Variants in DOK1 observed in about 807,000 individuals in gnomAD.
The protein encoded by DOK1 is docking protein 1.
DOK1 carries 12 observed loss-of-function variants against 24.0 expected under a neutral mutation model. The ratio of observed to expected loss-of-function variants is 0.50; its 90% confidence interval spans 0.32 to 0.81. The LOEUF (loss-of-function observed/expected upper bound fraction) is 0.81. Among genes scored for constraint, DOK1 ranks in the 30% least tolerant of loss-of-function variants. DOK1 has a pLI of 0.03. For synonymous variants in DOK1, 250 were observed against 260.9 expected (o/e 0.96, Z 0.40); for missense variants, 591 against 620.7 (o/e 0.95, Z 0.51).
At position 74,549,162 on chromosome 2, in the gene DOK1, C is replaced by T. The variant is rs1676819420; in HGVS notation, c.-368C>T. The T allele has an allele frequency of 1.1e-5, 5 of 470,406 alleles. No homozygotes were observed. Among genetic ancestry groups the T allele is most frequent in the Non-Finnish European group, 1.8e-5 (5 of 280,612 alleles). The allele number at this position is 470,406 out of a possible 1,614,324, so 29.1% of individuals were successfully genotyped here. On this transcript the variant is annotated 5_prime_UTR_variant, in exon 1 of 5. Transcript: ENST00000409429. The surrounding 1 kb of genome is among the most constrained non-coding windows in gnomAD (Gnocchi z 5.3). ...ACGAGAGAGCGGGAGCCTCGCTGGTCCCCATTTCAGGTACTCCCTTGGGGC... is the reference window on the plus strand; with the variant it reads ...ACGAGAGAGCGGGAGCCTCGCTGGTTCCCATTTCAGGTACTCCCTTGGGGC...
At position 74,557,375 on chromosome 2, in the gene DOK1, TGGG is replaced by T; in HGVS notation, c.*262_*264del. On this transcript the variant is annotated 3_prime_UTR_variant, in exon 5 of 5. Coordinates refer to ENST00000233668, the MANE Select transcript of DOK1 (RefSeq NM_001381.5). ...ACTTCCCCAAATGAAGGGACGGCTG[TGGG>T]ACCAGGTCTGTGGAAAGTGGTGCAT... The T allele has an allele frequency of 2.3e-6, 1 of 439,100 alleles. No homozygotes were observed. The highest frequency in any genetic ancestry group is 4.1e-6 in the Non-Finnish European group (1 of 242,718). The allele number at this position is 439,100 out of a possible 1,614,324, so 27.2% of individuals were successfully genotyped here.
chr2:74,554,149 C>A, upstream of DOK1: 1 of 153,376 alleles, frequency 6.5e-6, no homozygotes, highest in South Asian at 1.9e-4. The surrounding 1 kb of genome is among the most constrained non-coding windows in gnomAD (Gnocchi z 4.9). Flanking sequence ...CCTGGCCCTC[C>A]CGGCTCGTTC....
chr2:74,555,770 A>C lies in DOK1; in HGVS notation c.454+102A>C, dbSNP rs915783212. 1.0e-5 allele frequency: 16 copies of C among 1,592,900 alleles called. No individual in the cohort carries two copies. The highest frequency in any genetic ancestry group is 1.4e-5 in the Non-Finnish European group (16 of 1,169,866). On this transcript the variant is annotated intron_variant, in intron 3 of 4. Coordinates refer to ENST00000233668, the MANE Select transcript of DOK1 (RefSeq NM_001381.5). The surrounding 1 kb of genome is among the most constrained non-coding windows in gnomAD (Gnocchi z 6.1). ...CCCAGGGGCCCATGGGGAAGTAAGA[A>C]GTAGGAAGGCCCTGAGATCTGGCTT...
At chr2:74,553,867 T>C (rs886486017), upstream of DOK1, 1 of 145,298 alleles carries the variant, frequency 6.9e-6, no homozygotes, top group Non-Finnish European at 1.5e-5. Flanking sequence ...TTAGCGTGAC[T>C]CCCCCTACCT....
In DOK1 at chr2:74,556,883, C is replaced by G. The variant is rs1050916114; in HGVS notation, c.1215C>G (p.Ala405=). Residue 405 remains alanine (A), a synonymous_variant, in exon 5 of 5, where the codon GCC becomes GCG. Transcript: ENST00000233668. This position sits in a 1 kb window ranked among gnomAD's most constrained non-coding sequence, Gnocchi z 4.1. ...EEGYELPYNP[A]TDDYAVPPPR... ...GCTATGAGCTCCCCTACAACCCTGC[C>G]ACTGATGACTACGCTGTGCCACCCC... is the stretch of plus-strand genomic sequence containing the variant. 9 of 1,614,168 alleles carry G rather than the reference C, an allele frequency of 5.6e-6. No individual in the cohort carries two copies. Among genetic ancestry groups the G allele is most frequent in the Non-Finnish European group, 6.8e-6 (8 of 1,180,040 alleles).
At chr2:74,552,280 A>G (rs369498832), upstream of DOK1, 205 of 1,555,300 alleles carry the variant, frequency 1.3e-4, no homozygotes, top group Non-Finnish European at 1.7e-4. Flanking sequence ...CACTTTGGCC[A>G]CACATAGGAA....
At chr2:74,552,186 G>T, upstream of DOK1, 1 of 791,804 alleles carries the variant, frequency 1.3e-6, no homozygotes, top group Middle Eastern at 3.8e-4. Context: ...TGCTTGGTTT[G>T]TCATCCATGG....
At chr2:74,549,723 A>ACGATGGC, upstream of DOK1, 1 of 1,444,266 alleles carries the variant, frequency 6.9e-7, no homozygotes, top group Admixed American at 2.8e-5. The surrounding 1 kb of genome is among the most constrained non-coding windows in gnomAD (Gnocchi z 5.3). Context: ...GAGAGCGGCC[A>ACGATGGC]CGATGGCCGC....
At position 74,549,638 on chromosome 2, in the gene DOK1, C is replaced by T; in HGVS notation, c.-358+466C>T. 6.5e-7 allele frequency: 1 copy of T among 1,546,066 alleles called. No homozygotes were observed. The highest frequency in any genetic ancestry group is 8.8e-7 in the Non-Finnish European group (1 of 1,138,846). On this transcript the variant is annotated intron_variant, in intron 1 of 4. Transcript: ENST00000409429. This position sits in a 1 kb window ranked among gnomAD's most constrained non-coding sequence, Gnocchi z 5.3. ...ATCCCAGTGGCACCTTTCATGTGTCCCGCCGCCCTTAAGGAACCCTGCTTG... is the reference window on the plus strand; with the variant it reads ...ATCCCAGTGGCACCTTTCATGTGTCTCGCCGCCCTTAAGGAACCCTGCTTG...
chr2:74,553,702 C>A (rs1677177906), upstream of DOK1, among the ~76,000 whole-genome samples: 1 of 152,216 alleles, frequency 6.6e-6, no homozygotes, highest in African/African-American at 2.4e-5. Context: ...TAGCCCCCGC[C>A]TCCGGTATGT....
chr2:74,555,566 C>G lies in DOK1; in HGVS notation c.361-9C>G. 4 of 1,614,186 alleles carry G rather than the reference C, an allele frequency of 2.5e-6. No individual in the cohort carries two copies. The highest frequency in any genetic ancestry group is 2.5e-6 in the Non-Finnish European group (3 of 1,180,042). ...GAAATTACGGGTTTCTCGATGCTCT[C>G]TACTACAGAAAGGCAGCTGGACTCT... On this transcript the variant is annotated splice_polypyrimidine_tract_variant and intron_variant, in intron 2 of 4. Coordinates refer to ENST00000233668, the MANE Select transcript of DOK1 (RefSeq NM_001381.5). This position sits in a 1 kb window ranked among gnomAD's most constrained non-coding sequence, Gnocchi z 6.1.
chr2:74,550,368 GGGACA>G, upstream of DOK1: 1 of 1,609,458 alleles, frequency 6.2e-7, no homozygotes, highest in South Asian at 1.1e-5. Flanking sequence ...GGGAGATGAA[GGGACA>G]GAGAAGCTTG....
upstream of DOK1, chr2:74,549,762 A>C (rs1676877159): frequency 3.5e-6 from 5 of 1,431,154 alleles, no homozygotes; most frequent in Non-Finnish European, 4.6e-6. This position sits in a 1 kb window ranked among gnomAD's most constrained non-coding sequence, Gnocchi z 5.3. Flanking sequence ...TCTTGCAGCC[A>C]GCAGCGCGTG....
At chr2:74,552,474 T>G, upstream of DOK1, 4 of 1,613,642 alleles carry the variant, frequency 2.5e-6, no homozygotes, top group South Asian at 3.3e-5. Context: ...GCGGCCCTCG[T>G]AGGGCTTCCT....
At position 74,557,065 on chromosome 2, in the gene DOK1, C is replaced by T. The variant is rs540708563; in HGVS notation, c.1397C>T (p.Ser466Phe). ...TCAGGGAGCTGGGACTGTGGGCTCT[C>T]TAGAGTAGGGACTGACAAGACTGGG... ...GASGSWDCGL[S>F]RVGTDKTGVK... The change falls in exon 5 of 5, where the codon TCT (serine) becomes TTT (phenylalanine). Residue 466 changes from serine to phenylalanine, a missense_variant. Physicochemically the swap from Ser to Phe is radical, Grantham distance 155. Coordinates refer to ENST00000233668, the MANE Select transcript of DOK1 (RefSeq NM_001381.5). 47 of 1,613,534 alleles carry T rather than the reference C, an allele frequency of 2.9e-5. No individual in the cohort carries two copies. Among genetic ancestry groups the T allele is most frequent in the Non-Finnish European group, 3.6e-5 (43 of 1,179,916 alleles).
upstream of DOK1, chr2:74,554,710 C>G: frequency 6.2e-7 from 1 of 1,601,332 alleles, no homozygotes; most frequent in Non-Finnish European, 8.5e-7. This position sits in a 1 kb window ranked among gnomAD's most constrained non-coding sequence, Gnocchi z 4.9. Flanking sequence ...CCCGCCCCGC[C>G]TCCCGCCGCA....
upstream of DOK1, chr2:74,552,710 A>C (rs1466272806): frequency 1.5e-6 from 2 of 1,368,784 alleles, no homozygotes; most frequent in Non-Finnish European, 1.9e-6. Flanking sequence ...AGAGTCAGAA[A>C]GAGAGGGAGA....
Position 74,556,865 on chromosome 2 carries a change from G to C in DOK1, c.1197G>C (p.Glu399Asp). ...CQARVKEEGY[E>D]LPYNPATDDY... ...CTCGGGTGAAGGAGGAGGGCTATGA[G>C]CTCCCCTACAACCCTGCCACTGATG... The change falls in exon 5 of 5, where the codon GAG becomes GAC. Residue 399 changes from glutamate (E) to aspartate (D), a missense_variant. Transcript: ENST00000233668. This position sits in a 1 kb window ranked among gnomAD's most constrained non-coding sequence, Gnocchi z 4.1. 1 of 1,614,102 alleles carries C rather than the reference G, an allele frequency of 6.2e-7. No homozygotes were observed. The highest frequency in any genetic ancestry group is 1.3e-5 in the African/African-American group (1 of 75,030).
At chr2:74,552,781 AAG>A, upstream of DOK1, 1 of 769,656 alleles carries the variant, frequency 1.3e-6, no homozygotes, top group East Asian at 2.7e-5. Flanking sequence ...ACAGGAGAGA[AAG>A]AGCCCCAGGG....
Sources: gnomAD v4.1 joint callset for allele counts (sites outside exome capture counted in the v4.1 genomes callset) on GRCh38, gnomAD v4.1.1 for gene constraint, Gnocchi (gnomAD v3.1) non-coding constraint, MANE v1.5 for transcripts, NCBI Gene and HGNC (gene_info 2026-07-23, HGNC 2026-07-21) for gene names.